PTPRZ1: variants seen among roughly 807,000 people sequenced by gnomAD.
PTPRZ1 encodes the protein protein tyrosine phosphatase receptor type Z1.
Under a neutral mutation model 214.1 loss-of-function variants are expected in PTPRZ1, and 82 were observed. That is an observed-to-expected ratio of 0.38 (90% CI 0.32 to 0.46). The LOEUF is 0.46. Ranked by LOEUF, PTPRZ1 falls within the 20% of genes least tolerant of loss-of-function variation. The pLI is 1.00. For synonymous variants in PTPRZ1, 945 were observed against 987.9 expected, an observed-to-expected ratio of 0.96 and a Z score of 0.81; for missense variants, 2,603 against 2,748.7, an observed-to-expected ratio of 0.95 and a Z score of 1.19.
chr7:121,964,746 G>C (rs1413720877), intron 2 of PTPRZ1, among the ~76,000 whole-genome samples: 1 of 152,208 alleles, frequency 6.6e-6, no homozygotes, highest in East Asian at 1.9e-4. Flanking sequence ...TTCAGCGAAA[G>C]TCTCTCCTGT....
chr7:121,954,211 T>TACTTCCATA (rs957555044), intron 2 of PTPRZ1, among the ~76,000 whole-genome samples: 2 of 152,222 alleles, frequency 1.3e-5, no homozygotes, highest in African/African-American at 4.8e-5. Flanking sequence ...TAACCACAGT[T>TACTTCCATA]ACTTCCATAA....
At chr7:122,025,345 T>C (rs1309745035) in intron 13 of PTPRZ1, among the ~76,000 whole-genome samples, 2 of 150,908 alleles carry the variant, frequency 1.3e-5, no homozygotes, top group African/African-American at 4.9e-5. Context: ...TTTTTTTTTT[T>C]TGAGACAGAG....
chr7:122,034,279 C>T lies in PTPRZ1; in HGVS notation c.5188-3C>T. On this transcript the variant is annotated splice_region_variant and splice_polypyrimidine_tract_variant and intron_variant, in intron 16 of 29. Coordinates refer to ENST00000393386, the MANE Select transcript of PTPRZ1 (RefSeq NM_002851.3). ...AAAATGATTTACATATAATTTTTTA[C>T]AGGAAGTGCAGAGCTGTACTGTTGA... 1 of 1,610,530 alleles carries T rather than the reference C, an allele frequency of 6.2e-7. No individual in the cohort carries two copies. Among genetic ancestry groups the T allele is most frequent in the Non-Finnish European group, 8.5e-7 (1 of 1,178,408 alleles).
chr7:121,962,257 G>A (rs916301245), intron 2 of PTPRZ1, among the ~76,000 whole-genome samples: 8 of 151,940 alleles, frequency 5.3e-5, no homozygotes, highest in Admixed American at 3.9e-4. Flanking sequence ...GACCAGCCTG[G>A]CCAACATGGT....
At chr7:122,057,188 TTAC>T (rs1191198430) in intron 27 of PTPRZ1, among the ~76,000 whole-genome samples, 1 of 151,844 alleles carries the variant, frequency 6.6e-6, no homozygotes, top group Non-Finnish European at 1.5e-5. Flanking sequence ...TTCTTTAACT[TTAC>T]TAAATGAATT....
intron 17 of PTPRZ1, among the ~76,000 whole-genome samples, chr7:122,035,078 AAAAC>A (rs1261070839): frequency 2.6e-5 from 4 of 152,018 alleles, no homozygotes; most frequent in African/African-American, 4.8e-5. Flanking sequence ...CCCCACTCCA[AAAAC>A]AAACAAACAA....
chr7:122,056,343 C>T (rs996598301), intron 27 of PTPRZ1, among the ~76,000 whole-genome samples: 2 of 151,714 alleles, frequency 1.3e-5, no homozygotes, highest in Non-Finnish European at 3.0e-5. Context: ...AATACAGGTT[C>T]CTGATTGATC....
At chr7:122,015,042 C>T (rs1389779135) in intron 12 of PTPRZ1, among the ~76,000 whole-genome samples, 1 of 152,154 alleles carries the variant, frequency 6.6e-6, no homozygotes, top group Admixed American at 6.5e-5. Flanking sequence ...AATTAGCTTA[C>T]TGACCAGATG....
intron 10 of PTPRZ1, among the ~76,000 whole-genome samples, chr7:121,998,750 T>TATATGTATATATAC (rs1481829870): frequency 2.6e-5 from 4 of 152,186 alleles, no homozygotes; most frequent in Admixed American, 6.6e-5. Flanking sequence ...TAGACGTGCA[T>TATATGTATATATAC]ATATGTATAT....
chr7:121,899,856 G>A (rs1794906891), intron 1 of PTPRZ1, among the ~76,000 whole-genome samples: 1 of 152,150 alleles, frequency 6.6e-6, no homozygotes, highest in Non-Finnish European at 1.5e-5. Flanking sequence ...AGTTTTTAAA[G>A]TACAGGGAAA....
intron 2 of PTPRZ1, among the ~76,000 whole-genome samples, chr7:121,941,740 G>A (rs1025569994): frequency 3.0e-4 from 45 of 152,098 alleles, no homozygotes; most frequent in Non-Finnish European, 1.3e-4. Flanking sequence ...ATGTATCTGA[G>A]GGGCCTGTGT....
intron 2 of PTPRZ1, among the ~76,000 whole-genome samples, chr7:121,949,680 A>G (rs1796496144): frequency 6.6e-6 from 1 of 152,200 alleles, no homozygotes; most frequent in Non-Finnish European, 1.5e-5. Flanking sequence ...TATACATTCT[A>G]GGGAGACATG....
At chr7:121,989,793 A>G (rs1373661831) in intron 8 of PTPRZ1, among the ~76,000 whole-genome samples, 1 of 152,242 alleles carries the variant, frequency 6.6e-6, no homozygotes, top group Admixed American at 6.5e-5. Context: ...AATTTTTATT[A>G]CATGAAATTA....
At chr7:121,994,173 A>T (rs957136753) in intron 8 of PTPRZ1, among the ~76,000 whole-genome samples, 1 of 151,910 alleles carries the variant, frequency 6.6e-6, no homozygotes, top group Non-Finnish European at 1.5e-5. Context: ...TAGACATCCA[A>T]CCAAAGTCGT....
chr7:121,882,064 A>G (rs1160324635), intron 1 of PTPRZ1, among the ~76,000 whole-genome samples: 1 of 152,220 alleles, frequency 6.6e-6, no homozygotes, highest in Non-Finnish European at 1.5e-5. Context: ...CTGTATTTGA[A>G]AAGCACCAAT....
At chr7:122,053,375 G>A (rs986051002) in intron 25 of PTPRZ1, among the ~76,000 whole-genome samples, 1 of 152,138 alleles carries the variant, frequency 6.6e-6, no homozygotes, top group Admixed American at 6.5e-5. Context: ...GTAGTGAAAT[G>A]GTCACTATGG....
At chr7:122,001,291 A>G (rs1798314995) in intron 10 of PTPRZ1, among the ~76,000 whole-genome samples, 1 of 152,196 alleles carries the variant, frequency 6.6e-6, no homozygotes, top group Admixed American at 6.5e-5. Context: ...AGTTACATTT[A>G]TGAATAAATA....
chr7:121,938,672 A>G (rs1463154962), intron 2 of PTPRZ1, among the ~76,000 whole-genome samples: 2 of 152,090 alleles, frequency 1.3e-5, no homozygotes, highest in Non-Finnish European at 2.9e-5. Flanking sequence ...AAGGATTGAT[A>G]TACATTGCAA....
intron 23 of PTPRZ1, among the ~76,000 whole-genome samples, chr7:122,048,048 A>C (rs544855682): frequency 6.6e-6 from 1 of 152,140 alleles, no homozygotes; most frequent in East Asian, 1.9e-4. Context: ...TCATTTTCTC[A>C]GAGTATAATA....
Sources: allele counts gnomAD v4.1 joint callset (sites outside exome capture counted in the v4.1 genomes callset), GRCh38; gene constraint gnomAD v4.1.1; transcripts MANE v1.5; gene names NCBI Gene and HGNC (gene_info 2026-07-23, HGNC 2026-07-21).